DAB1: variants seen among roughly 807,000 people sequenced by gnomAD.
The protein encoded by DAB1 is disabled homolog 1.
DAB1 carries 15 observed loss-of-function variants against 64.6 expected under a neutral mutation model. The observed-to-expected ratio is 0.23, with a 90% CI of 0.16 to 0.36. The LOEUF is 0.36. Among genes scored for constraint, DAB1 ranks in the 10% least tolerant of loss-of-function variants. DAB1 has a pLI of 1.00. For missense variants in DAB1, 596 were observed against 706.7 expected (o/e 0.84, Z 1.78); for synonymous variants, 235 against 251.9 (o/e 0.93, Z 0.64).
intron 6 of DAB1, among the ~76,000 whole-genome samples, chr1:57,782,534 C>G (rs1308574146): frequency 6.6e-6 from 1 of 152,140 alleles, no homozygotes; most frequent in Non-Finnish European, 1.5e-5. Context: ...ATCATCTATG[C>G]CAATATCATG....
At chr1:57,894,684 C>G (rs1457265796) in intron 5 of DAB1, among the ~76,000 whole-genome samples, 2 of 152,152 alleles carry the variant, frequency 1.3e-5, no homozygotes, top group Non-Finnish European at 2.9e-5. Flanking sequence ...AGTATCATAT[C>G]TGATTTGCAT....
At chr1:57,362,081 G>A (rs969385111) in intron 1 of DAB1, among the ~76,000 whole-genome samples, 5 of 152,048 alleles carry the variant, frequency 3.3e-5, no homozygotes, top group East Asian at 1.9e-4. Flanking sequence ...AGGACATGTC[G>A]AAGAATGAAT....
intron 2 of DAB1, among the ~76,000 whole-genome samples, chr1:57,163,005 A>T (rs771113672): frequency 7.2e-5 from 11 of 152,232 alleles, no homozygotes; most frequent in Non-Finnish European, 1.6e-4. Flanking sequence ...CACAGGCCTC[A>T]GCCCTGACTC....
chr1:57,466,615 C>A (rs1034119983), intron 7 of DAB1, among the ~76,000 whole-genome samples: 3 of 152,196 alleles, frequency 2.0e-5, no homozygotes, highest in Admixed American at 1.3e-4. Context: ...TCTGAGCAGA[C>A]CAGACTAAAG....
intron 5 of DAB1, among the ~76,000 whole-genome samples, chr1:57,938,874 C>A (rs890257989): frequency 2.0e-5 from 3 of 151,962 alleles, no homozygotes; most frequent in Non-Finnish European, 4.4e-5. Flanking sequence ...CTGGACTCTC[C>A]TCTTGTACCA....
At chr1:57,040,634 G>A (rs1035905240) in intron 9 of DAB1, among the ~76,000 whole-genome samples, 1 of 152,088 alleles carries the variant, frequency 6.6e-6, no homozygotes, top group African/African-American at 2.4e-5. Context: ...GATATGCACA[G>A]GTATAAATAT....
At chr1:57,807,673 T>C (rs1352458713) in intron 6 of DAB1, among the ~76,000 whole-genome samples, 1 of 152,106 alleles carries the variant, frequency 6.6e-6, no homozygotes, top group Non-Finnish European at 1.5e-5. Context: ...ATACCTACAA[T>C]TTATATTAAA....
At chr1:58,126,330 C>T (rs1263823422) in intron 5 of DAB1, among the ~76,000 whole-genome samples, 3 of 152,258 alleles carry the variant, frequency 2.0e-5, no homozygotes, top group African/African-American at 7.2e-5. Flanking sequence ...CTCTCCGCAG[C>T]CCGGGGTAGG....
At chr1:58,052,148 G>C (rs528077092) in intron 5 of DAB1, among the ~76,000 whole-genome samples, 113 of 152,266 alleles carry the variant, frequency 7.4e-4, no homozygotes, top group African/African-American at 2.6e-3. Flanking sequence ...GTATTGCCTA[G>C]GTTTTCTTCT....
chr1:57,589,257 T>A (rs1645415842), intron 7 of DAB1, among the ~76,000 whole-genome samples: 1 of 152,120 alleles, frequency 6.6e-6, no homozygotes, highest in African/African-American at 2.4e-5. Flanking sequence ...CATATGTTTA[T>A]CATTTCAAAA....
intron 6 of DAB1, among the ~76,000 whole-genome samples, chr1:57,742,882 T>G (rs1442764707): frequency 6.6e-6 from 1 of 152,156 alleles, no homozygotes; most frequent in African/African-American, 2.4e-5. Context: ...AAATCAAGAC[T>G]GTCTGGCAAG....
At chr1:57,669,112 T>C (rs1375115474) in intron 6 of DAB1, among the ~76,000 whole-genome samples, 1 of 152,060 alleles carries the variant, frequency 6.6e-6, no homozygotes, top group South Asian at 2.1e-4. Context: ...ACCTGAAAGG[T>C]GCACAGAATT....
At chr1:58,479,875 G>C (rs1301094806) in intron 3 of DAB1, among the ~76,000 whole-genome samples, 1 of 152,112 alleles carries the variant, frequency 6.6e-6, no homozygotes, top group African/African-American at 2.4e-5. Flanking sequence ...ATAAAACCTA[G>C]TAGGGTTATG....
chr1:57,038,135 A>AGACATAG (rs2100461463), intron 9 of DAB1, among the ~76,000 whole-genome samples: 1 of 152,380 alleles, frequency 6.6e-6, no homozygotes, highest in African/African-American at 2.4e-5. Flanking sequence ...CCTAAATACT[A>AGACATAG]GACATAGTCC....
At chr1:57,076,707 T>G (rs550132648) in intron 4 of DAB1, among the ~76,000 whole-genome samples, 2 of 152,214 alleles carry the variant, frequency 1.3e-5, no homozygotes, top group African/African-American at 4.8e-5. Context: ...ATAGTGTACC[T>G]ATGACGGAAG....
At chr1:58,215,404 T>G (rs1199388374) in intron 4 of DAB1, among the ~76,000 whole-genome samples, 2 of 22,876 alleles carry the variant, frequency 8.7e-5, no homozygotes, top group East Asian at 3.4e-4. Context: ...TGATAGTGTT[T>G]TTTTTTTTTT....
At chr1:57,743,932 A>G (rs1648130022) in intron 6 of DAB1, among the ~76,000 whole-genome samples, 1 of 152,256 alleles carries the variant, frequency 6.6e-6, no homozygotes, top group Non-Finnish European at 1.5e-5. Flanking sequence ...TGCAGCAGGA[A>G]CACTTTCTTA....
At chr1:57,462,411 T>C (rs546571147) in intron 7 of DAB1, among the ~76,000 whole-genome samples, 1 of 152,348 alleles carries the variant, frequency 6.6e-6, no homozygotes, top group African/African-American at 2.4e-5. Flanking sequence ...TTAAACTATG[T>C]TCTTTGGAGT....
At chr1:57,753,474 T>A (rs967928803) in intron 6 of DAB1, among the ~76,000 whole-genome samples, 1 of 152,242 alleles carries the variant, frequency 6.6e-6, no homozygotes, top group Non-Finnish European at 1.5e-5. Flanking sequence ...TTAGTAGCTC[T>A]CTGACTTCTT....
Sources: gnomAD v4.1 joint callset for allele counts (sites outside exome capture counted in the v4.1 genomes callset) on GRCh38, gnomAD v4.1.1 for gene constraint, MANE v1.5 for transcripts, NCBI Gene and HGNC (gene_info 2026-07-23, HGNC 2026-07-21) for gene names.